LRRC37A2: variants seen among roughly 807,000 people sequenced by gnomAD.
The protein encoded by LRRC37A2 is leucine-rich repeat-containing protein 37A2.
In LRRC37A2, 9 loss-of-function variants were observed where a neutral mutation model predicts 68.8. The ratio of observed to expected loss-of-function variants is 0.13; its 90% CI spans 0.08 to 0.23. LRRC37A2 has a LOEUF of 0.23. LRRC37A2 is among the 10% of genes least tolerant of loss of function. LRRC37A2 has a pLI of 1.00. For synonymous variants in LRRC37A2, 63 were observed against 367.6 expected, an observed-to-expected ratio of 0.17 and a Z score of 9.48; for missense variants, 168 against 950.4, an observed-to-expected ratio of 0.18 and a Z score of 10.82.
the LRRC37A2 span, chr17:46,755,646 TTTC>T: frequency 3.7e-6 from 3 of 806,590 alleles, no homozygotes; most frequent in Non-Finnish European, 3.8e-6. Context: ...CTGTGACCAT[TTTC>T]TTTTGTGAAG....
chr17:47,047,517 A>G, the LRRC37A2 span, among the ~76,000 whole-genome samples: 3 of 149,774 alleles, frequency 2.0e-5, no homozygotes, highest in Non-Finnish European at 3.0e-5. Context: ...GGAAGGCTAG[A>G]GAATAACATT....
the LRRC37A2 span, chr17:46,875,466 G>T: frequency 7.1e-7 from 1 of 1,412,658 alleles, no homozygotes. Context: ...CAAAATACAT[G>T]AAGAGCCGTG....
the LRRC37A2 span, among the ~76,000 whole-genome samples, chr17:46,976,455 G>A: frequency 1.3e-5 from 2 of 151,942 alleles, no homozygotes; most frequent in Non-Finnish European, 2.9e-5. Flanking sequence ...GCTGAGGCAG[G>A]AGAATCGCTT....
chr17:46,938,663 T>C, the LRRC37A2 span: 2 of 1,614,120 alleles, frequency 1.2e-6, no homozygotes, highest in Non-Finnish European at 1.7e-6. Flanking sequence ...GTGATGCGGC[T>C]CATCGAGAAG....
chr17:46,542,332 C>T (rs1193837498), intron 8 of LRRC37A2, among the ~76,000 whole-genome samples: 2 of 148,788 alleles, frequency 1.3e-5, no homozygotes, highest in Non-Finnish European at 2.9e-5. Context: ...GGTCTATGAT[C>T]CATTTTGAGT....
At chr17:46,897,035 G>A in the LRRC37A2 span, among the ~76,000 whole-genome samples, 2 of 152,214 alleles carry the variant, frequency 1.3e-5, no homozygotes, top group Non-Finnish European at 2.9e-5. Flanking sequence ...GCTAATGGGT[G>A]TGCCCCTGGA....
the LRRC37A2 span, chr17:46,875,022 C>T: frequency 1.2e-4 from 193 of 1,608,420 alleles, no homozygotes; most frequent in South Asian, 1.6e-3. Context: ...CCTCAGAGGG[C>T]GGCAGGCAAC....
At chr17:46,811,682 C>T in the LRRC37A2 span, among the ~76,000 whole-genome samples, 2 of 152,224 alleles carry the variant, frequency 1.3e-5, no homozygotes, top group Middle Eastern at 3.4e-3. Context: ...TGGCTGGGTG[C>T]GGTGGCTCAC....
the LRRC37A2 span, chr17:46,966,911 C>A: frequency 2.5e-6 from 1 of 394,186 alleles, no homozygotes; most frequent in Non-Finnish European, 4.5e-6. Context: ...AAATCATTTT[C>A]ATGAAATTTT....
chr17:46,526,479 G>C (rs2458048), intron 6 of LRRC37A2, among the ~76,000 whole-genome samples: 2,548 of 97,436 alleles, frequency 0.026, 384 homozygotes, highest in African/African-American at 0.084. Flanking sequence ...TTCCAAGGTC[G>C]TGGGAGGGCC....
chr17:46,840,781 T>C, the LRRC37A2 span, among the ~76,000 whole-genome samples: 1 of 152,258 alleles, frequency 6.6e-6, no homozygotes, highest in African/African-American at 2.4e-5. Context: ...CATGTGTCTG[T>C]TGGCTGCATA....
chr17:46,932,030 G>A, the LRRC37A2 span: 2 of 1,608,392 alleles, frequency 1.2e-6, no homozygotes, highest in Non-Finnish European at 1.7e-6. Flanking sequence ...GCTGCCCTGA[G>A]TTCCTGGAAT....
the LRRC37A2 span, among the ~76,000 whole-genome samples, chr17:46,826,970 T>G: frequency 6.6e-6 from 1 of 152,256 alleles, no homozygotes; most frequent in South Asian, 2.1e-4. Flanking sequence ...AGAGATAGAA[T>G]TTCACCATGT....
chr17:46,530,792 C>G (rs2053579644), intron 6 of LRRC37A2, among the ~76,000 whole-genome samples: 1 of 5,298 alleles, frequency 1.9e-4, no homozygotes, highest in Non-Finnish European at 6.7e-4. Flanking sequence ...AGCCATCACT[C>G]CCCAGTGCTG....
the LRRC37A2 span, among the ~76,000 whole-genome samples, chr17:46,775,762 C>T: frequency 6.6e-6 from 1 of 151,842 alleles, no homozygotes; most frequent in East Asian, 1.9e-4. Context: ...TACAGGTGCC[C>T]ACCACCACGC....
At chr17:46,417,038 C>T in the LRRC37A2 span, among the ~76,000 whole-genome samples, 2 of 150,018 alleles carry the variant, frequency 1.3e-5, no homozygotes, top group African/African-American at 2.5e-5. Context: ...GTGGAGGTTG[C>T]GGTGAGTTGA....
At chr17:46,801,445 C>T in the LRRC37A2 span, among the ~76,000 whole-genome samples, 2 of 142,876 alleles carry the variant, frequency 1.4e-5, no homozygotes, top group Non-Finnish European at 3.1e-5. Context: ...CATGGTGAAA[C>T]CCCATCTCTA....
the LRRC37A2 span, among the ~76,000 whole-genome samples, chr17:46,691,672 C>G: frequency 2.0e-5 from 3 of 151,860 alleles, no homozygotes; most frequent in Non-Finnish European, 2.9e-5. Flanking sequence ...AATCCTCAGT[C>G]TCATTATGCT....
chr17:46,609,988 A>T, the LRRC37A2 span, among the ~76,000 whole-genome samples: 1 of 140,548 alleles, frequency 7.1e-6, no homozygotes, highest in East Asian at 1.9e-4. Flanking sequence ...AGCCAGGCTA[A>T]TTTATTTTCT....
Sources: allele counts gnomAD v4.1 joint callset (sites outside exome capture counted in the v4.1 genomes callset), GRCh38; gene constraint gnomAD v4.1.1; transcripts MANE v1.5; gene names NCBI Gene and HGNC (gene_info 2026-07-23, HGNC 2026-07-21).